Variants in PTPRD observed in about 807,000 individuals in gnomAD.
The protein encoded by PTPRD is receptor-type tyrosine-protein phosphatase delta.
PTPRD carries 34 observed loss-of-function variants against 214.5 expected under a neutral mutation model. The ratio of observed to expected loss-of-function variants is 0.16; its 90% confidence interval spans 0.12 to 0.21. The LOEUF (loss-of-function observed/expected upper bound fraction) is 0.21. Ranked by LOEUF, PTPRD falls within the 10% of genes least tolerant of loss-of-function variation. PTPRD has a pLI of 1.00. For missense variants in PTPRD, 2,545 were observed against 2,398.7 expected (o/e 1.06, Z -1.27); for synonymous variants, 1,128 against 845.7 (o/e 1.33, Z -5.79).
At chr9:8,322,351 C>G (rs1829240443) in intron 44 of PTPRD, among the ~76,000 whole-genome samples, 1 of 152,148 alleles carries the variant, frequency 6.6e-6, no homozygotes, top group Non-Finnish European at 1.5e-5. Context: ...ACCAAACAGC[C>G]TAGTTGTGAA....
At chr9:9,493,882 G>C (rs905494167) in intron 8 of PTPRD, among the ~76,000 whole-genome samples, 8 of 151,632 alleles carry the variant, frequency 5.3e-5, no homozygotes, top group Non-Finnish European at 1.2e-4. Context: ...TGATTGACCT[G>C]GATAAAACCT....
chr9:8,535,880 G>A (rs774412160), intron 14 of PTPRD, among the ~76,000 whole-genome samples: 1 of 151,894 alleles, frequency 6.6e-6, no homozygotes, highest in Non-Finnish European at 1.5e-5. Flanking sequence ...GATGAGATTT[G>A]TCTAATATGA....
In PTPRD at chr9:10,087,458, T is replaced by A. The variant is rs371226060; in HGVS notation, c.-544-53668A>T. ...ATGTGGGCAACTTCTGTTCTCAATA[T>A]TGATCCTTCAGAGTGTAGTTTATCC... is the stretch of plus-strand genomic sequence containing the variant. On this transcript the variant is annotated intron_variant, in intron 3 of 45. Coordinates refer to ENST00000381196, the MANE Select transcript of PTPRD (RefSeq NM_002839.4). Among the ~76,000 whole-genome samples the A allele has an allele frequency of 2.0e-5, 3 of 151,740 alleles. No homozygotes were observed. The South Asian group carries it at 6.2e-4, about 31-fold the overall frequency.
In PTPRD at chr9:10,247,218, A is replaced by G. The variant is rs138725297; in HGVS notation, c.-545+93745T>C. On this transcript the variant is annotated intron_variant, in intron 3 of 45. Transcript: ENST00000381196. ...CCTACATACCTAGAGAGACAATAGT[A>G]TCTCAAATTCCCATGCCTAAATGGT... 1.8e-3 allele frequency among the ~76,000 whole-genome samples: 274 copies of G among 152,288 alleles called. 1 individual carries two copies. Among genetic ancestry groups the G allele is most frequent in the African/African-American group, 6.2e-3 (257 of 41,594 alleles).
intron 11 of PTPRD, among the ~76,000 whole-genome samples, chr9:8,757,621 CAT>C (rs140684940): frequency 0.12 from 16,519 of 143,182 alleles, 1,012 homozygotes; most frequent in Middle Eastern, 0.14. Flanking sequence ...ATAAATTCTG[CAT>C]ATATATATAT....
At chr9:9,987,571 G>T (rs777779596) in intron 4 of PTPRD, among the ~76,000 whole-genome samples, 1 of 152,108 alleles carries the variant, frequency 6.6e-6, no homozygotes, top group Non-Finnish European at 1.5e-5. Context: ...CAACATGTGG[G>T]AATTATGGGA....
chr9:8,735,850 T>A (rs1462641216), intron 11 of PTPRD, among the ~76,000 whole-genome samples: 1 of 151,390 alleles, frequency 6.6e-6, no homozygotes, highest in Non-Finnish European at 1.5e-5. Context: ...AGACAGAGGT[T>A]TTGGTGAGCC....
chr9:10,522,789 T>A (rs2052780334), intron 2 of PTPRD, among the ~76,000 whole-genome samples: 1 of 152,038 alleles, frequency 6.6e-6, no homozygotes, highest in South Asian at 2.1e-4. Flanking sequence ...TCAATTTTGA[T>A]GAAATTAGCA....
intron 7 of PTPRD, among the ~76,000 whole-genome samples, chr9:9,585,138 A>G (rs2091706234): frequency 6.6e-6 from 1 of 152,042 alleles, no homozygotes; most frequent in Non-Finnish European, 1.5e-5. Flanking sequence ...TCTCATGATT[A>G]CATCTTATTG....
At chr9:9,218,220 T>C (rs886889685) in intron 9 of PTPRD, among the ~76,000 whole-genome samples, 5 of 152,292 alleles carry the variant, frequency 3.3e-5, no homozygotes, top group Middle Eastern at 3.4e-3. Context: ...CAAACTTCTG[T>C]CTTGTTTTGG....
chr9:10,462,245 T>C (rs2098964399), intron 2 of PTPRD, among the ~76,000 whole-genome samples: 1 of 152,150 alleles, frequency 6.6e-6, no homozygotes, highest in South Asian at 2.1e-4. Context: ...AAATTGCCTT[T>C]CTCTCTTAAG....
chr9:10,517,336 G>A (rs2050476933), intron 2 of PTPRD, among the ~76,000 whole-genome samples: 1 of 151,880 alleles, frequency 6.6e-6, no homozygotes, highest in Non-Finnish European at 1.5e-5. Flanking sequence ...TATGGTAAAT[G>A]GGATTGTTTT....
At chr9:8,978,286 T>C (rs1233292038) in intron 11 of PTPRD, among the ~76,000 whole-genome samples, 1 of 152,106 alleles carries the variant, frequency 6.6e-6, no homozygotes, top group Non-Finnish European at 1.5e-5. Context: ...ATCGCCAACT[T>C]ACTTTCTGCT....
At chr9:9,305,429 T>C (rs1397436459) in intron 9 of PTPRD, among the ~76,000 whole-genome samples, 1 of 152,126 alleles carries the variant, frequency 6.6e-6, no homozygotes, top group Admixed American at 6.5e-5. Flanking sequence ...GGAATACAGA[T>C]GTTATTAAGG....
chr9:10,327,112 A>G (rs2096657274), intron 3 of PTPRD, among the ~76,000 whole-genome samples: 1 of 150,264 alleles, frequency 6.7e-6, no homozygotes, highest in South Asian at 2.1e-4. Flanking sequence ...CATGTACATT[A>G]CATATATAAA....
At chr9:9,672,658 C>T (rs1336279467) in intron 7 of PTPRD, among the ~76,000 whole-genome samples, 1 of 152,008 alleles carries the variant, frequency 6.6e-6, no homozygotes, top group Non-Finnish European at 1.5e-5. Flanking sequence ...ATCTACTGAT[C>T]CATCTATTTA....
chr9:10,485,007 T>C (rs978401734), intron 2 of PTPRD, among the ~76,000 whole-genome samples: 3 of 150,462 alleles, frequency 2.0e-5, no homozygotes, highest in African/African-American at 7.4e-5. Context: ...TAGATTTAAG[T>C]GTTTAATCAA....
intron 11 of PTPRD, among the ~76,000 whole-genome samples, chr9:8,902,229 T>G (rs944283766): frequency 6.6e-6 from 1 of 152,222 alleles, no homozygotes; most frequent in Admixed American, 6.5e-5. Context: ...CAAAGTGTTG[T>G]TGGTAGAACA....
chr9:9,368,313 T>C (rs903505889), intron 9 of PTPRD, among the ~76,000 whole-genome samples: 3 of 101,252 alleles, frequency 3.0e-5, no homozygotes, highest in African/African-American at 1.2e-4. Context: ...TTATATGAGC[T>C]CACATGTGAA....
Sources: gnomAD v4.1 joint callset for allele counts (sites outside exome capture counted in the v4.1 genomes callset) on GRCh38, gnomAD v4.1.1 for gene constraint, MANE v1.5 for transcripts, NCBI Gene and HGNC (gene_info 2026-07-23, HGNC 2026-07-21) for gene names.